OPCML: variants seen among roughly 807,000 people sequenced by gnomAD.
OPCML encodes opioid-binding protein/cell adhesion molecule.
In OPCML, 13 loss-of-function variants were observed where a neutral mutation model predicts 37.8. The ratio of observed to expected loss-of-function variants is 0.34; its 90% confidence interval spans 0.22 to 0.55. OPCML has a LOEUF of 0.55. Ranked by LOEUF, OPCML falls within the 20% of genes least tolerant of loss-of-function variation. The probability of loss-of-function intolerance (pLI) is 0.91; values close to 1 mark genes in which losing one functional copy is unlikely to be tolerated. For synonymous variants in OPCML, 176 were observed against 168.8 expected, an observed-to-expected ratio of 1.04 and a Z score of -0.33; for missense variants, 341 against 435.6, an observed-to-expected ratio of 0.78 and a Z score of 1.93.
At chr11:133,433,427 T>A (rs1432389412) in intron 1 of OPCML, among the ~76,000 whole-genome samples, 2 of 152,222 alleles carry the variant, frequency 1.3e-5, no homozygotes, top group Non-Finnish European at 2.9e-5. Context: ...CACTATACTA[T>A]GAGCACTGAC....
At chr11:132,960,211 C>A (rs1425146896) in intron 1 of OPCML, among the ~76,000 whole-genome samples, 1 of 152,184 alleles carries the variant, frequency 6.6e-6, no homozygotes, top group African/African-American at 2.4e-5. Context: ...TTAGCCGGCC[C>A]AATAACCGTA....
At chr11:132,638,698 C>T (rs1207153534) in intron 3 of OPCML, among the ~76,000 whole-genome samples, 17 of 152,220 alleles carry the variant, frequency 1.1e-4, no homozygotes, top group Admixed American at 8.5e-4. Flanking sequence ...ATTCAACAGG[C>T]CCTGTGACCC....
chr11:133,457,262 G>A (rs1248495814), intron 1 of OPCML, among the ~76,000 whole-genome samples: 1 of 152,152 alleles, frequency 6.6e-6, no homozygotes, highest in Non-Finnish European at 1.5e-5. Flanking sequence ...GTTGGGTACA[G>A]TGGCTTATCA....
chr11:133,020,572 G>A (rs1031555808), intron 1 of OPCML, among the ~76,000 whole-genome samples: 3 of 152,176 alleles, frequency 2.0e-5, no homozygotes, highest in Non-Finnish European at 2.9e-5. Context: ...GTACTGCAGA[G>A]CAGGCAGCTG....
At position 133,270,418 on chromosome 11, in the gene OPCML, A is replaced by G. The variant is rs912585525; in HGVS notation, c.61+261846T>C. On this transcript the variant is annotated intron_variant, in intron 1 of 7. Coordinates refer to ENST00000524381, the MANE Select transcript of OPCML (RefSeq NM_001012393.5). ...TCTGGAAAATGAGAAGGCTAGACAA[A>G]TGATCCCTCTGGTCTCCTCCAAGTC... Among the ~76,000 whole-genome samples, 3 of 152,296 alleles carry G rather than the reference A, an allele frequency of 2.0e-5. No homozygotes were observed. In the East Asian group the frequency reaches 5.8e-4, roughly 29 times the overall value.
intron 1 of OPCML, among the ~76,000 whole-genome samples, chr11:133,525,065 T>C (rs1176550531): frequency 6.6e-6 from 1 of 152,226 alleles, no homozygotes; most frequent in Non-Finnish European, 1.5e-5. Flanking sequence ...TCTCTGCCTG[T>C]ATAAACAATG....
intron 4 of OPCML, among the ~76,000 whole-genome samples, chr11:132,478,515 G>T (rs1389883899): frequency 6.6e-6 from 1 of 152,182 alleles, no homozygotes; most frequent in Non-Finnish European, 1.5e-5. Flanking sequence ...TCACATCAAA[G>T]ATCTTCTTGT....
At chr11:132,441,055 G>A (rs1434607572) in intron 4 of OPCML, among the ~76,000 whole-genome samples, 1 of 151,884 alleles carries the variant, frequency 6.6e-6, no homozygotes, top group Non-Finnish European at 1.5e-5. Flanking sequence ...GAACAGGATA[G>A]GATAGGAAGG....
intron 3 of OPCML, among the ~76,000 whole-genome samples, chr11:132,579,170 G>A (rs2096457067): frequency 6.6e-6 from 1 of 152,130 alleles, no homozygotes; most frequent in African/African-American, 2.4e-5. Flanking sequence ...CATCATGGGT[G>A]CTAGCAAAGT....
At chr11:133,156,193 G>A (rs906717686) in intron 1 of OPCML, among the ~76,000 whole-genome samples, 18 of 152,122 alleles carry the variant, frequency 1.2e-4, no homozygotes, top group African/African-American at 3.1e-4. Context: ...ATTTTTATAC[G>A]ATCCTTATCT....
At chr11:133,047,403 T>C (rs1948036957) in intron 1 of OPCML, among the ~76,000 whole-genome samples, 1 of 152,240 alleles carries the variant, frequency 6.6e-6, no homozygotes, top group Non-Finnish European at 1.5e-5. Flanking sequence ...TTGATAAATA[T>C]GTTTCCTTGA....
intron 1 of OPCML, among the ~76,000 whole-genome samples, chr11:133,141,897 A>T (rs1378671198): frequency 1.3e-5 from 2 of 152,222 alleles, no homozygotes; most frequent in Middle Eastern, 3.4e-3. Context: ...GCTCTGTCTC[A>T]TCCATCTTTC....
intron 1 of OPCML, among the ~76,000 whole-genome samples, chr11:133,356,449 C>A (rs2136705200): frequency 6.6e-6 from 1 of 152,264 alleles, no homozygotes; most frequent in Admixed American, 6.5e-5. Context: ...CGGGGTTAGA[C>A]CTGCCTCTCT....
chr11:132,459,196 C>T (rs1006679583), intron 4 of OPCML, among the ~76,000 whole-genome samples: 4 of 152,092 alleles, frequency 2.6e-5, no homozygotes, highest in African/African-American at 9.7e-5. Flanking sequence ...CACACTTATA[C>T]CACTGACCCT....
At chr11:132,546,316 A>G (rs149299258) in intron 3 of OPCML, among the ~76,000 whole-genome samples, 2,472 of 152,202 alleles carry the variant, frequency 0.016, 61 homozygotes, top group African/African-American at 0.051. Flanking sequence ...TTGGGGGGGA[A>G]CAGGTGGTGT....
chr11:133,117,055 A>G (rs981878837), intron 1 of OPCML, among the ~76,000 whole-genome samples: 8 of 152,006 alleles, frequency 5.3e-5, no homozygotes, highest in South Asian at 2.1e-4. Flanking sequence ...ATTTTATTCT[A>G]CTCAATGGAT....
At chr11:132,901,975 C>A (rs916846800) in intron 2 of OPCML, among the ~76,000 whole-genome samples, 1 of 152,208 alleles carries the variant, frequency 6.6e-6, no homozygotes, top group Admixed American at 6.5e-5. Flanking sequence ...GAACTCCCCC[C>A]ACCACCGGTG....
In OPCML at chr11:133,173,483, A is replaced by G. The variant is rs142448617; in HGVS notation, c.62-230473T>C. ...AACCACTAGCCACAGATGGATTCCT[A>G]GAATCTACAGCAGAGTGTCCCCAAC... On this transcript the variant is annotated intron_variant, in intron 1 of 7. Transcript: ENST00000524381. This position sits in a 1 kb window ranked among gnomAD's most constrained non-coding sequence, Gnocchi z 7.8. 9.8e-5 allele frequency among the ~76,000 whole-genome samples: 15 copies of G among 152,328 alleles called. No individual in the cohort carries two copies. The highest frequency in any genetic ancestry group is 3.6e-4 in the African/African-American group (15 of 41,582).
At chr11:133,532,062 G>A (rs762183798) in intron 1 of OPCML, 18 of 388,736 alleles carry the variant, frequency 4.6e-5, no homozygotes, top group African/African-American at 2.2e-4. Context: ...AGCAAATCCC[G>A]TGCTGAAAGC....
Sources: allele counts gnomAD v4.1 joint callset (sites outside exome capture counted in the v4.1 genomes callset), GRCh38; gene constraint gnomAD v4.1.1; non-coding constraint Gnocchi (gnomAD v3.1); transcripts MANE v1.5; gene names NCBI Gene and HGNC (gene_info 2026-07-23, HGNC 2026-07-21).